The following MAP2K2 variants were observed in gnomAD, a reference collection of about 807,000 sequenced individuals.
MAP2K2 encodes the protein dual specificity mitogen-activated protein kinase kinase 2.
In MAP2K2, 24 loss-of-function variants were observed where a neutral mutation model predicts 43.7. That is an observed-to-expected ratio of 0.55 (90% CI 0.40 to 0.77). The LOEUF (loss-of-function observed/expected upper bound fraction) is 0.77. MAP2K2 is among the 30% of genes least tolerant of loss of function. The pLI is 0.00. For missense variants in MAP2K2, 470 were observed against 566.8 expected, an observed-to-expected ratio of 0.83 and a Z score of 1.73; for synonymous variants, 244 against 239.7, an observed-to-expected ratio of 1.02 and a Z score of -0.17.
At chr19:4,103,492 C>T (rs1454231584) in intron 3 of MAP2K2, 4 of 94,910 alleles carry the variant, frequency 4.2e-5, no homozygotes, top group African/African-American at 1.1e-4. Context: ...CTTCTGTGCT[C>T]AGCAGAGAGG....
intron 1 of MAP2K2, among the ~76,000 whole-genome samples, chr19:4,123,045 C>T (rs1302904458): frequency 6.6e-6 from 1 of 150,542 alleles, no homozygotes; most frequent in African/African-American, 2.5e-5. Flanking sequence ...CCCTGCACCC[C>T]GATTTCCCTA....
chr19:4,113,305 G>A (rs543794921), intron 2 of MAP2K2, among the ~76,000 whole-genome samples: 64 of 152,236 alleles, frequency 4.2e-4, no homozygotes, highest in African/African-American at 1.4e-3. Flanking sequence ...GGGCGGCTGC[G>A]GCGTGATCTC....
At chr19:4,094,382 C>T in intron 10 of MAP2K2, 71 bp downstream of exon 10, 1 of 1,497,812 alleles carries the variant, frequency 6.7e-7, no homozygotes, top group Non-Finnish European at 9.1e-7. Flanking sequence ...CCAGGCCCAG[C>T]AGCCTTATTT....
chr19:4,108,444 C>T (rs367796174), intron 3 of MAP2K2, among the ~76,000 whole-genome samples: 24 of 148,754 alleles, frequency 1.6e-4, no homozygotes, highest in African/African-American at 3.0e-4. Flanking sequence ...TTAGTAGAGA[C>T]GGGGTTTCAC....
At chr19:4,113,013 C>T (rs978526982) in intron 2 of MAP2K2, among the ~76,000 whole-genome samples, 2 of 152,180 alleles carry the variant, frequency 1.3e-5, no homozygotes, top group African/African-American at 2.4e-5. Context: ...TTTAAGAGCC[C>T]GGTAGCCACA....
intron 8 of MAP2K2, among the ~76,000 whole-genome samples, chr19:4,096,548 G>A (rs776370616): frequency 2.0e-5 from 3 of 152,184 alleles, no homozygotes; most frequent in Non-Finnish European, 2.9e-5. Flanking sequence ...TCATCTGGGC[G>A]GTGGAAACCC....
rs2145080951 is a variant in MAP2K2 at position 4,117,625 on chromosome 19, T to A, written c.97A>T (p.Asn33Tyr). The A allele has an allele frequency of 6.2e-7, 1 of 1,613,972 alleles. No individual in the cohort carries two copies. The highest frequency in any genetic ancestry group is 1.7e-5 in the Admixed American group (1 of 60,020). ...AGCTTCTTCTGCAGGTCCACCAGGTTTGCCCTGCAGAGACCCCCCAGGGTA... is the reference window on the plus strand; with the variant it reads ...AGCTTCTTCTGCAGGTCCACCAGGTATGCCCTGCAGAGACCCCCCAGGGTA... Reference protein sequence around the residue: ...SPTSEGASEANLVDLQKKLEE... With the variant: ...SPTSEGASEAYLVDLQKKLEE... Residue 33 changes from asparagine (N) to tyrosine (Y), a missense_variant, in exon 2 of 11, where the codon AAC (asparagine) becomes TAC (tyrosine). By Grantham distance (143) the Asn-to-Tyr change is moderately radical. Around this residue, in one of 3 missense-constraint regions of MAP2K2, gnomAD observed 58 missense variants for 48.0 expected, o/e 1.21. Coordinates refer to ENST00000262948, the MANE Select transcript of MAP2K2 (RefSeq NM_030662.4).
At position 4,095,425 on chromosome 19, in the gene MAP2K2, C is replaced by T; in HGVS notation, c.1009G>A (p.Val337Met). 1 of 1,551,388 alleles carries T rather than the reference C, an allele frequency of 6.4e-7. No homozygotes were observed. The highest frequency in any genetic ancestry group is 8.7e-7 in the Non-Finnish European group (1 of 1,146,888). Residue 337 changes from valine to methionine, a missense_variant, in exon 9 of 11, where the codon GTG becomes ATG. This residue lies in a region of MAP2K2 where 212 missense variants were observed against 220.8 expected (regional missense o/e 0.96). Transcript: ENST00000262948. ...AACTCCTGGAAGTCGGGGGTGAACA[C>T]ACCGTTGGGCAGCTTAGGAGGTGGC... Reference protein sequence around the residue: ...NEPPPKLPNGVFTPDFQEFVN... With the variant: ...NEPPPKLPNGMFTPDFQEFVN...
chr19:4,100,984 A>G (rs1469113154), intron 6 of MAP2K2, 35 bp downstream of exon 6: 2 of 1,549,638 alleles, frequency 1.3e-6, no homozygotes, highest in Non-Finnish European at 8.7e-7. Flanking sequence ...AGCAGCAGGG[A>G]GGAGAGCTGG....
At chr19:4,094,971 G>A (rs1599281894) in intron 9 of MAP2K2, 2 of 352,516 alleles carry the variant, frequency 5.7e-6, no homozygotes, top group African/African-American at 2.0e-5. Flanking sequence ...GCACATGCCT[G>A]TGAAGCCCAC....
chr19:4,097,314 C>T lies in MAP2K2; in HGVS notation c.949G>A (p.Ala317Thr), dbSNP rs2145046516. Residue 317 changes from alanine to threonine, a missense_variant, in exon 8 of 11, where the codon GCC becomes ACC. Physicochemically the swap from Ala to Thr is moderately conservative, Grantham distance 58. This residue lies in a region of MAP2K2 where 212 missense variants were observed against 220.8 expected (regional missense o/e 0.96). Coordinates refer to ENST00000262948, the MANE Select transcript of MAP2K2 (RefSeq NM_030662.4). ...GHGMDSRPAM[A>T]IFELLDYIVN... ...ATATAGTCCAGGAGTTCAAAGATGGCCATGGCAGGCCGGCTATCCATCCCG... is the reference window on the plus strand; with the variant it reads ...ATATAGTCCAGGAGTTCAAAGATGGTCATGGCAGGCCGGCTATCCATCCCG... 6.2e-7 allele frequency: 1 copy of T among 1,613,194 alleles called. No individual in the cohort carries two copies. The highest frequency in any genetic ancestry group is 1.1e-5 in the South Asian group (1 of 91,066).
intron 1 of MAP2K2, 67 bp from the exon 2 acceptor site, chr19:4,117,696 G>T: frequency 7.0e-7 from 1 of 1,431,654 alleles, no homozygotes. Flanking sequence ...TTGCTATGTG[G>T]CCGTGGTGCA....
chr19:4,109,077 T>C (rs1277805164), intron 3 of MAP2K2, among the ~76,000 whole-genome samples: 1 of 152,140 alleles, frequency 6.6e-6, no homozygotes, highest in Non-Finnish European at 1.5e-5. Flanking sequence ...CTGCCTTCAT[T>C]ACAAAACTGT....
intron 3 of MAP2K2, among the ~76,000 whole-genome samples, chr19:4,109,564 A>T (rs746606055): frequency 2.0e-5 from 3 of 152,194 alleles, no homozygotes; most frequent in Non-Finnish European, 4.4e-5. Context: ...TCAGCCTCTC[A>T]TGTAGCTGGT....
chr19:4,090,988 T>C (rs1785963358), intron 10 of MAP2K2, among the ~76,000 whole-genome samples: 1 of 152,212 alleles, frequency 6.6e-6, no homozygotes, highest in Non-Finnish European at 1.5e-5. Flanking sequence ...GGGGAGGGTC[T>C]ACGCTCGCGC....
At chr19:4,107,583 T>C (rs1396946298) in intron 3 of MAP2K2, among the ~76,000 whole-genome samples, 1 of 149,062 alleles carries the variant, frequency 6.7e-6, no homozygotes, top group Non-Finnish European at 1.5e-5. Context: ...CTGGTGCACC[T>C]GTAGTCCCGG....
chr19:4,096,434 C>T (rs930545433), intron 8 of MAP2K2, among the ~76,000 whole-genome samples: 3 of 152,210 alleles, frequency 2.0e-5, no homozygotes, highest in African/African-American at 4.8e-5. Context: ...GGAGGTGGCC[C>T]GGCCTGGTCA....
chr19:4,123,570 C>CCCCCGAGGGTCCCCTGCCCCGTCCTT (rs2041329025), intron 1 of MAP2K2, among the ~76,000 whole-genome samples: 2 of 80,586 alleles, frequency 2.5e-5, no homozygotes, highest in Non-Finnish European at 5.0e-5. Context: ...GCCCCGTCCT[C>CCCCCGAGGGTCCCCTGCCCCGTCCTT]CCCCGAGGGC....
chr19:4,112,452 G>A (rs2041165860), intron 2 of MAP2K2, among the ~76,000 whole-genome samples: 1 of 152,250 alleles, frequency 6.6e-6, no homozygotes, highest in South Asian at 2.1e-4. Context: ...AGCGGGCACG[G>A]AGGCATGAAG....
Sources: gnomAD v4.1 joint callset for allele counts (sites outside exome capture counted in the v4.1 genomes callset) on GRCh38, gnomAD v4.1.1 for gene constraint, gnomAD v4.1.1 regional missense constraint, MANE v1.5 for transcripts, NCBI Gene and HGNC (gene_info 2026-07-23, HGNC 2026-07-21) for gene names.